Variants in SLC4A4 observed in about 807,000 individuals in gnomAD.
SLC4A4 encodes the protein electrogenic sodium bicarbonate cotransporter 1.
A neutral mutation model predicts 111.5 loss-of-function variants in SLC4A4; 27 were observed. That is an observed-to-expected ratio of 0.24 (90% CI 0.18 to 0.33). The LOEUF is 0.33. Among genes scored for constraint, SLC4A4 ranks in the 10% least tolerant of loss-of-function variants. SLC4A4 has a pLI of 1.00. For synonymous variants in SLC4A4, 443 were observed against 463.4 expected, an observed-to-expected ratio of 0.96 and a Z score of 0.57; for missense variants, 909 against 1,315.5, an observed-to-expected ratio of 0.69 and a Z score of 4.78.
At chr4:71,460,455 C>T (rs756433481) in intron 12 of SLC4A4, among the ~76,000 whole-genome samples, 8 of 152,118 alleles carry the variant, frequency 5.3e-5, no homozygotes, top group South Asian at 2.1e-4. Context: ...AGATTTTTGG[C>T]TCAAACTTTT....
Position 71,159,721 on chromosome 4 carries a change from G to A in SLC4A4, c.-2+66929G>A, listed in dbSNP as rs571298376. Among the ~76,000 whole-genome samples, 50 of 152,226 alleles carry A rather than the reference G, an allele frequency of 3.3e-4. 1 individual carries two copies. Among genetic ancestry groups the A allele is most frequent in the Middle Eastern group, 3.4e-3 (1 of 294 alleles). On this transcript the variant is annotated intron_variant, in intron 2 of 26. Coordinates refer to the SLC4A4 transcript ENST00000649996. ...TAAAAATGGAGTTGCTGGGCCAAAA[G>A]TATTACTTTTATTATTACTGTTTTC...
intron 3 of SLC4A4, among the ~76,000 whole-genome samples, chr4:71,293,884 C>T (rs1250221792): frequency 6.6e-6 from 1 of 152,158 alleles, no homozygotes; most frequent in African/African-American, 2.4e-5. Context: ...TGAAAGCACG[C>T]ACTGTGTGAG....
At chr4:71,536,483 T>C (rs537784019) in intron 18 of SLC4A4, among the ~76,000 whole-genome samples, 2 of 97,688 alleles carry the variant, frequency 2.0e-5, no homozygotes, top group Non-Finnish European at 4.2e-5. Context: ...TATATATATA[T>C]ATATGTATAT....
intron 1 of SLC4A4, among the ~76,000 whole-genome samples, chr4:71,225,433 C>T (rs1403305479): frequency 6.6e-6 from 1 of 152,042 alleles, no homozygotes; most frequent in Non-Finnish European, 1.5e-5. Context: ...CTAGAACCTT[C>T]AGTTCTTTCC....
chr4:71,128,687 C>T (rs909995237), intron 2 of SLC4A4, among the ~76,000 whole-genome samples: 7 of 152,078 alleles, frequency 4.6e-5, no homozygotes, highest in Admixed American at 4.6e-4. Flanking sequence ...TGGGGTTTTG[C>T]TATGTTGGCC....
intron 7 of SLC4A4, among the ~76,000 whole-genome samples, chr4:71,419,118 C>A (rs1440660541): frequency 6.6e-6 from 1 of 152,182 alleles, no homozygotes; most frequent in Non-Finnish European, 1.5e-5. Flanking sequence ...GGGTGCCTCC[C>A]AGTTAGGCTG....
intron 2 of SLC4A4, among the ~76,000 whole-genome samples, chr4:71,107,398 G>A (rs1042337462): frequency 7.2e-5 from 11 of 151,994 alleles, no homozygotes; most frequent in Non-Finnish European, 1.5e-4. Context: ...CCAGGCTGGA[G>A]TGCAGTGGTG....
intron 17 of SLC4A4, among the ~76,000 whole-genome samples, chr4:71,533,875 CTACCTTTT>C (rs1382401779): frequency 6.6e-6 from 1 of 151,950 alleles, no homozygotes; most frequent in Non-Finnish European, 1.5e-5. Context: ...TTTTTACTTG[CTACCTTTT>C]TACCTTTTTA....
At chr4:71,225,782 T>A (rs1373791335) in intron 1 of SLC4A4, among the ~76,000 whole-genome samples, 1 of 152,240 alleles carries the variant, frequency 6.6e-6, no homozygotes, top group African/African-American at 2.4e-5. Flanking sequence ...TGAGTCCCCA[T>A]CTGCCTGCCA....
chr4:71,152,593 T>C (rs1313922072), intron 2 of SLC4A4, among the ~76,000 whole-genome samples: 1 of 152,208 alleles, frequency 6.6e-6, no homozygotes, highest in Non-Finnish European at 1.5e-5. Flanking sequence ...TTGGGTTCTC[T>C]GCATTATTTC....
intron 3 of SLC4A4, among the ~76,000 whole-genome samples, chr4:71,318,844 C>T (rs750772192): frequency 1.0e-4 from 14 of 138,920 alleles, no homozygotes; most frequent in Admixed American, 3.0e-4. Flanking sequence ...TTTTAAGGAA[C>T]ATGGTTAATG....
At chr4:71,158,860 A>G (rs1439611065) in intron 2 of SLC4A4, among the ~76,000 whole-genome samples, 1 of 152,146 alleles carries the variant, frequency 6.6e-6, no homozygotes, top group African/African-American at 2.4e-5. Flanking sequence ...AGTGCACTTC[A>G]CGGAGAATGG....
chr4:71,137,954 TG>T (rs1743891447), intron 2 of SLC4A4, among the ~76,000 whole-genome samples: 1 of 152,220 alleles, frequency 6.6e-6, no homozygotes, highest in African/African-American at 2.4e-5. Context: ...GAAAATGCAC[TG>T]GGGGCTTCTC....
chr4:71,502,150 G>A (rs1408033771), intron 16 of SLC4A4, among the ~76,000 whole-genome samples: 3 of 152,100 alleles, frequency 2.0e-5, no homozygotes, highest in African/African-American at 7.2e-5. Flanking sequence ...TTGTGGAGAC[G>A]AGGTTTCACT....
chr4:71,256,316 T>G (rs2602072), intron 3 of SLC4A4, among the ~76,000 whole-genome samples: 135,302 of 152,186 alleles, frequency 0.89, 61,694 homozygotes, highest in Non-Finnish European at 0.99. Context: ...GTCATTGCAG[T>G]TGATGACAGG....
chr4:71,222,050 A>G (rs1718777690), intron 1 of SLC4A4, among the ~76,000 whole-genome samples: 1 of 152,214 alleles, frequency 6.6e-6, no homozygotes, highest in African/African-American at 2.4e-5. Flanking sequence ...GGTAAAGACT[A>G]TAAGCTCGAG....
intron 7 of SLC4A4, among the ~76,000 whole-genome samples, chr4:71,432,803 A>G (rs1723762475): frequency 6.6e-6 from 1 of 152,038 alleles, no homozygotes; most frequent in South Asian, 2.1e-4. Flanking sequence ...TATTTTCCCT[A>G]ATTAAGAACT....
chr4:71,288,389 A>C (rs1484554093), intron 3 of SLC4A4, among the ~76,000 whole-genome samples: 3 of 150,808 alleles, frequency 2.0e-5, no homozygotes, highest in African/African-American at 7.4e-5. Context: ...GAGTCAGAGA[A>C]CAAATATAGG....
chr4:71,288,178 AGAATGGCC>A (rs903450419), intron 3 of SLC4A4, among the ~76,000 whole-genome samples: 7 of 152,186 alleles, frequency 4.6e-5, no homozygotes, highest in Admixed American at 2.0e-4. Context: ...GGTAGCATGC[AGAATGGCC>A]TTTCACCTAA....
Sources: allele counts gnomAD v4.1 joint callset (sites outside exome capture counted in the v4.1 genomes callset), GRCh38; gene constraint gnomAD v4.1.1; transcripts MANE v1.5; gene names NCBI Gene and HGNC (gene_info 2026-07-23, HGNC 2026-07-21).